ZIC4: variants seen among roughly 807,000 people sequenced by gnomAD.
The protein encoded by ZIC4 is Zic family zinc finger 4.
In ZIC4, 15 loss-of-function variants were observed where a neutral mutation model predicts 28.8. The ratio of observed to expected loss-of-function variants is 0.52; its 90% CI spans 0.35 to 0.80. The LOEUF (loss-of-function observed/expected upper bound fraction) is 0.80. ZIC4 is among the 30% of genes least tolerant of loss of function. ZIC4 has a pLI of 0.01. For missense variants in ZIC4, 512 were observed against 467.1 expected (o/e 1.10, Z -0.89); for synonymous variants, 220 against 198.1 (o/e 1.11, Z -0.93).
At chr3:147,398,514 G>C (rs903726775) in intron 2 of ZIC4, among the ~76,000 whole-genome samples, 1 of 151,942 alleles carries the variant, frequency 6.6e-6, no homozygotes, top group Non-Finnish European at 1.5e-5. Flanking sequence ...GAGGGTCGGG[G>C]GTTGGGGGGC....
At chr3:147,394,434 T>C (rs184938280) in intron 3 of ZIC4, among the ~76,000 whole-genome samples, 2 of 140,054 alleles carry the variant, frequency 1.4e-5, no homozygotes, top group East Asian at 4.2e-4. Context: ...ATTCAAACAG[T>C]GGGCCGGCAA....
rs1486723494 is a variant in ZIC4 at position 147,387,726 on chromosome 3, A to G, written c.*1133T>C. 1 of 152,658 alleles carries G rather than the reference A, an allele frequency of 6.6e-6. No individual in the cohort carries two copies. The highest frequency in any genetic ancestry group is 1.5e-5 in the Non-Finnish European group (1 of 68,066). 9.5% of individuals were successfully genotyped at this position (152,658 alleles called of 1,614,324 possible). On this transcript the variant is annotated 3_prime_UTR_variant, in exon 5 of 5. Transcript: ENST00000383075. ...AGGGTACCACACACCCTGCCTTAGA[A>G]AGAAACAAGTTTCAGGGGCCGCAAG...
chr3:147,396,035 C>T lies in ZIC4; in HGVS notation c.505G>A (p.Ala169Thr), dbSNP rs1412056938. The T allele has an allele frequency of 3.7e-6, 6 of 1,614,268 alleles. No homozygotes were observed. Among genetic ancestry groups the T allele is most frequent in the African/African-American group, 1.3e-5 (1 of 75,074 alleles). The change falls in exon 3 of 5, where the codon GCC (alanine) becomes ACC (threonine). Residue 169 changes from alanine to threonine, a missense_variant. This residue lies in a region of ZIC4 where 310 missense variants were observed against 256.5 expected (regional missense o/e 1.21). Coordinates refer to ENST00000383075, the MANE Select transcript of ZIC4 (RefSeq NM_032153.6). This position sits in a 1 kb window ranked among gnomAD's most constrained non-coding sequence, Gnocchi z 4.2. Reference sequence around the variant, plus strand: ...TCCTCCCAGAAGCAAATGTGGTTGGCCTGTTCCGGGCCGCCGACGTGCTCC... The same window carrying T: ...TCCTCCCAGAAGCAAATGTGGTTGGTCTGTTCCGGGCCGCCGACGTGCTCC... ...TVEHVGGPEQ[A>T]NHICFWEECP...
chr3:147,393,518 C>A (rs1186996281), intron 3 of ZIC4: 5 of 211,816 alleles, frequency 2.4e-5, no homozygotes, highest in Admixed American at 5.6e-5. Flanking sequence ...AGGCCCGGGG[C>A]TGCGCTGTGA....
intron 1 of ZIC4, among the ~76,000 whole-genome samples, 191 bp from the exon 2 acceptor site, chr3:147,403,003 G>C (rs1448522851): frequency 6.6e-6 from 1 of 152,098 alleles, no homozygotes; most frequent in Admixed American, 6.5e-5. Flanking sequence ...ATTGCAAAAT[G>C]ATATATCTTT....
chr3:147,403,976 G>C, intron 1 of ZIC4: 1 of 1,536,706 alleles, frequency 6.5e-7, no homozygotes, highest in South Asian at 1.2e-5. Flanking sequence ...TTTCCCAGAG[G>C]GTATTATTAT....
intron 4 of ZIC4, 86 bp from the exon 5 acceptor site, chr3:147,388,945 A>G (rs2086850169): frequency 2.6e-6 from 2 of 756,210 alleles, no homozygotes; most frequent in African/African-American, 3.5e-5. Flanking sequence ...TGAGATAGAA[A>G]GCAAAATGGG....
Position 147,388,587 on chromosome 3 carries a change from T to C in ZIC4, c.*272A>G. 2.4e-6 allele frequency: 1 copy of C among 414,214 alleles called. No homozygotes were observed. Among genetic ancestry groups the C allele is most frequent in the Middle Eastern group, 6.1e-4 (1 of 1,632 alleles). The allele number at this position is 414,214 out of a possible 1,614,324, so 25.7% of individuals were successfully genotyped here. Reference sequence around the variant, plus strand: ...TTAAATGAAAATGATTTAGTCCGCGTCAAACAAAAATATATACTTGTATAC... The same window carrying C: ...TTAAATGAAAATGATTTAGTCCGCGCCAAACAAAAATATATACTTGTATAC... On this transcript the variant is annotated 3_prime_UTR_variant, in exon 5 of 5. Transcript: ENST00000383075.
In ZIC4 at chr3:147,396,566, G is replaced by A. The variant is rs1576460438; in HGVS notation, c.71-97C>T. 7.8e-6 allele frequency: 11 copies of A among 1,407,246 alleles called. No homozygotes were observed. The East Asian group carries it at 2.8e-4, about 35-fold the overall frequency. 87.2% of individuals were successfully genotyped at this position (1,407,246 alleles called of 1,614,324 possible). On this transcript the variant is annotated intron_variant, in intron 2 of 4. Coordinates refer to ENST00000383075, the MANE Select transcript of ZIC4 (RefSeq NM_032153.6). The surrounding 1 kb of genome is among the most constrained non-coding windows in gnomAD (Gnocchi z 4.2). ...GGCAGGCCCAGCCCTGCCGCACTAC[G>A]GCCTCTGCAGTCAGCCGTGGAACTC...
chr3:147,403,750 A>T (rs1046804754), intron 1 of ZIC4: 8 of 458,348 alleles, frequency 1.7e-5, no homozygotes, highest in Non-Finnish European at 3.0e-5. Context: ...GTCTGCCCAC[A>T]GAACAAGCAG....
At chr3:147,399,280 T>C (rs1029793405) in intron 2 of ZIC4, among the ~76,000 whole-genome samples, 1 of 152,174 alleles carries the variant, frequency 6.6e-6, no homozygotes, top group Non-Finnish European at 1.5e-5. Context: ...GCTCTGATCC[T>C]TCATCCAAGC....
At position 147,396,542 on chromosome 3, in the gene ZIC4, G is replaced by T; in HGVS notation, c.71-73C>A. On this transcript the variant is annotated intron_variant, in intron 2 of 4. Coordinates refer to ENST00000383075, the MANE Select transcript of ZIC4 (RefSeq NM_032153.6). This position sits in a 1 kb window ranked among gnomAD's most constrained non-coding sequence, Gnocchi z 4.2. Reference sequence around the variant, plus strand: ...CGCGCTCTTCCCTGGGCCCCGGGGGGCAGGCCCAGCCCTGCCGCACTACGG... The same window carrying T: ...CGCGCTCTTCCCTGGGCCCCGGGGGTCAGGCCCAGCCCTGCCGCACTACGG... 2 of 1,469,498 alleles carry T rather than the reference G, an allele frequency of 1.4e-6. No homozygotes were observed. The highest frequency in any genetic ancestry group is 1.4e-5 in the South Asian group (1 of 69,814). The allele number at this position is 1,469,498 out of a possible 1,614,324, so 91.0% of individuals were successfully genotyped here.
intron 1 of ZIC4, among the ~76,000 whole-genome samples, chr3:147,404,760 G>A (rs1385993741): frequency 6.6e-6 from 1 of 152,184 alleles, no homozygotes; most frequent in African/African-American, 2.4e-5. Flanking sequence ...GTGGGTAGGT[G>A]CAAAAAGCAC....
At chr3:147,405,470 A>G in intron 1 of ZIC4, 1 of 1,537,222 alleles carries the variant, frequency 6.5e-7, no homozygotes, top group South Asian at 1.2e-5. Flanking sequence ...TGGGCCATTC[A>G]TCAACCCCAA....
chr3:147,392,447 A>G (rs1272784284), intron 3 of ZIC4: 2 of 985,308 alleles, frequency 2.0e-6, no homozygotes, highest in Non-Finnish European at 2.4e-6. Context: ...GCTGACGTGT[A>G]GGAGAGGAAA....
rs565694882 is a variant in ZIC4 at position 147,403,837 on chromosome 3, C to A, written c.-15-1025G>T. ...TAAACGGTATCCAGTTCTCTATGCA[C>A]AAAGATCTCTCTCTCTCTCTCTCCC... On this transcript the variant is annotated intron_variant, in intron 1 of 4. Coordinates refer to ENST00000383075, the MANE Select transcript of ZIC4 (RefSeq NM_032153.6). The A allele has an allele frequency of 4.0e-5, 40 of 1,008,604 alleles. No homozygotes were observed. The South Asian group carries it at 6.7e-4, about 17-fold the overall frequency. 62.5% of individuals were successfully genotyped at this position (1,008,604 alleles called of 1,614,324 possible). A position where few individuals can be genotyped will look rare whatever the true frequency, so the allele number is the denominator to read the frequency against.
At chr3:147,405,609 C>T (rs2087257796) in intron 1 of ZIC4, 5 of 899,152 alleles carry the variant, frequency 5.6e-6, no homozygotes, top group Non-Finnish European at 8.8e-6. Context: ...GAGCTGCGGC[C>T]TGCTCCCCAG....
At chr3:147,401,300 G>T (rs1327593671) in intron 2 of ZIC4, among the ~76,000 whole-genome samples, 1 of 150,062 alleles carries the variant, frequency 6.7e-6, no homozygotes. Flanking sequence ...GCCTTGGAAA[G>T]AAAAAAAAAT....
intron 2 of ZIC4, among the ~76,000 whole-genome samples, chr3:147,400,952 C>T (rs936913904): frequency 2.0e-5 from 3 of 152,160 alleles, no homozygotes; most frequent in African/African-American, 7.2e-5. Flanking sequence ...GGAGATATAA[C>T]ATTGTTAAGT....
Sources: allele counts gnomAD v4.1 joint callset (sites outside exome capture counted in the v4.1 genomes callset), GRCh38; gene constraint gnomAD v4.1.1; regional missense constraint gnomAD v4.1.1; non-coding constraint Gnocchi (gnomAD v3.1); transcripts MANE v1.5; gene names NCBI Gene and HGNC (gene_info 2026-07-23, HGNC 2026-07-21).